The following TOX variants were observed in gnomAD, a reference collection of about 807,000 sequenced individuals.
The protein encoded by TOX is thymocyte selection associated high mobility group box, also known as thymocyte selection-associated high mobility group box protein TOX.
TOX carries 11 observed loss-of-function variants against 53.7 expected under a neutral mutation model. That is an observed-to-expected ratio of 0.20 (90% CI 0.13 to 0.34). TOX has a LOEUF of 0.34. Among genes scored for constraint, TOX ranks in the 10% least tolerant of loss-of-function variants. TOX has a pLI of 1.00. For missense variants in TOX, 570 were observed against 664.6 expected, an observed-to-expected ratio of 0.86 and a Z score of 1.56; for synonymous variants, 225 against 245.3, an observed-to-expected ratio of 0.92 and a Z score of 0.77.
intron 1 of TOX, among the ~76,000 whole-genome samples, chr8:58,970,499 C>A (rs1812981911): frequency 6.6e-6 from 1 of 152,164 alleles, no homozygotes; most frequent in Admixed American, 6.5e-5. Context: ...GAATAACATG[C>A]AGAAACTTGA....
rs923213491 is a variant in TOX at position 58,863,784 on chromosome 8, G to A, written c.412-11979C>T. 2.6e-5 allele frequency among the ~76,000 whole-genome samples: 4 copies of A among 152,150 alleles called. No individual in the cohort carries two copies. In the East Asian group the frequency reaches 7.7e-4, roughly 29 times the overall value. ...GTGCCTCGCACTGTGAGAGGTCCTA[G>A]GGGAAACAAAGACAGATGAGACTAT... On this transcript the variant is annotated intron_variant, in intron 3 of 8. Transcript: ENST00000361421.
chr8:58,996,865 C>T (rs1434557354), intron 1 of TOX, among the ~76,000 whole-genome samples: 1 of 152,172 alleles, frequency 6.6e-6, no homozygotes, highest in African/African-American at 2.4e-5. Context: ...CTGGAATTAG[C>T]TAGGGGTGTA....
At chr8:59,084,619 A>C (rs766104808) in intron 1 of TOX, among the ~76,000 whole-genome samples, 5 of 152,204 alleles carry the variant, frequency 3.3e-5, no homozygotes, top group Non-Finnish European at 7.4e-5. Context: ...ATAAAGTTTA[A>C]GACTTCAATA....
intron 1 of TOX, among the ~76,000 whole-genome samples, chr8:58,960,401 T>C (rs1812780165): frequency 6.6e-6 from 1 of 152,064 alleles, no homozygotes; most frequent in Admixed American, 6.6e-5. Context: ...TAACGAAAAA[T>C]ACACGAAGGC....
chr8:58,994,893 C>T (rs1813530477), intron 1 of TOX, among the ~76,000 whole-genome samples: 1 of 152,176 alleles, frequency 6.6e-6, no homozygotes, highest in Admixed American at 6.5e-5. Context: ...CTGTTCACTT[C>T]AGTCAACTTC....
At chr8:59,016,619 TAAAG>T (rs1452924513) in intron 1 of TOX, among the ~76,000 whole-genome samples, 2 of 152,186 alleles carry the variant, frequency 1.3e-5, no homozygotes, top group Admixed American at 1.3e-4. Context: ...CCTCAACCAA[TAAAG>T]ATTCTATTTC....
In TOX at chr8:58,808,232, T is replaced by C. The variant is rs768622267; in HGVS notation, c.1430A>G (p.Asn477Ser). 1.9e-6 allele frequency: 3 copies of C among 1,613,768 alleles called. No homozygotes were observed. The highest frequency in any genetic ancestry group is 2.5e-6 in the Non-Finnish European group (3 of 1,179,936). The change falls in exon 8 of 9, where the codon AAT becomes AGT. Residue 477 changes from asparagine to serine, a missense_variant. Physicochemically the swap from Asn to Ser is conservative, Grantham distance 46. Transcript: ENST00000361421. ...AACTTGTGCAGCTGTAGATGTAGGATTGATAATAGTCTGATAGTCGGGTTG... is the reference window on the plus strand; with the variant it reads ...AACTTGTGCAGCTGTAGATGTAGGACTGATAATAGTCTGATAGTCGGGTTG... ...TLQPDYQTII[N>S]PTSTAAQVVT... is the part of the protein sequence containing the mutation.
At chr8:59,013,986 C>T (rs1457442976) in intron 1 of TOX, among the ~76,000 whole-genome samples, 2 of 152,114 alleles carry the variant, frequency 1.3e-5, no homozygotes, top group African/African-American at 4.8e-5. Context: ...ATTTCTAAAA[C>T]CCATTATCCC....
chr8:59,118,684 GCA>G lies in TOX; in HGVS notation c.102+200_102+201del, dbSNP rs1165127579. 6.6e-6 allele frequency among the ~76,000 whole-genome samples: 1 copy of G among 152,092 alleles called. No homozygotes were observed. Among genetic ancestry groups the G allele is most frequent in the Non-Finnish European group, 1.5e-5 (1 of 68,012 alleles). On this transcript the variant is annotated intron_variant, in intron 1 of 8. Coordinates refer to ENST00000361421, the MANE Select transcript of TOX (RefSeq NM_014729.3). The surrounding 1 kb of genome is among the most constrained non-coding windows in gnomAD (Gnocchi z 4.1). ...ATCCGAGCAAATCGTGTCACTTTCC[GCA>G]CAATCGCGGTGTTTGGCAAGCCCCC...
At chr8:59,113,888 A>G (rs941313041) in intron 1 of TOX, among the ~76,000 whole-genome samples, 2 of 152,174 alleles carry the variant, frequency 1.3e-5, no homozygotes, top group African/African-American at 4.8e-5. Context: ...TGTCCTAGCA[A>G]AAGTTTAGAA....
intron 3 of TOX, among the ~76,000 whole-genome samples, chr8:58,903,647 C>G (rs1160925151): frequency 6.6e-6 from 1 of 152,140 alleles, no homozygotes; most frequent in Non-Finnish European, 1.5e-5. Flanking sequence ...AATATTTACA[C>G]TACTAAAAGT....
rs971115293 is a variant in TOX, at chr8:58,972,712, A to G, written c.103-12704T>C. Reference sequence around the variant, plus strand: ...AATGCTCCATTTAATACTCACATCAAAGAAATTATGTAATCTCTTCTGTAT... The same window carrying G: ...AATGCTCCATTTAATACTCACATCAGAGAAATTATGTAATCTCTTCTGTAT... On this transcript the variant is annotated intron_variant, in intron 1 of 8. Coordinates refer to ENST00000361421, the MANE Select transcript of TOX (RefSeq NM_014729.3). Among the ~76,000 whole-genome samples, 8 of 152,166 alleles carry G rather than the reference A, an allele frequency of 5.3e-5. No individual in the cohort carries two copies. The East Asian group carries it at 1.3e-3, about 26-fold the overall frequency.
At chr8:58,943,554 G>T (rs187986691) in intron 2 of TOX, among the ~76,000 whole-genome samples, 1 of 151,096 alleles carries the variant, frequency 6.6e-6, no homozygotes, top group East Asian at 1.9e-4. Context: ...AAGATCACTT[G>T]GTCCTTTCCA....
chr8:58,876,107 A>G (rs2129170452), intron 3 of TOX, among the ~76,000 whole-genome samples: 1 of 152,186 alleles, frequency 6.6e-6, no homozygotes, highest in Middle Eastern at 3.4e-3. Flanking sequence ...AGAGATGGAT[A>G]TTTCAGAAAC....
chr8:58,838,586 A>G (rs1260611036), intron 4 of TOX, among the ~76,000 whole-genome samples: 1 of 151,964 alleles, frequency 6.6e-6, no homozygotes, highest in Non-Finnish European at 1.5e-5. Flanking sequence ...CAACCCCTTA[A>G]CATTCCTAAC....
intron 1 of TOX, among the ~76,000 whole-genome samples, chr8:59,008,117 T>C (rs1053235332): frequency 6.6e-6 from 1 of 152,244 alleles, no homozygotes; most frequent in Non-Finnish European, 1.5e-5. Context: ...GTTTCTTTCA[T>C]CAAATGAAAA....
chr8:58,988,862 T>C (rs565000317), intron 1 of TOX, among the ~76,000 whole-genome samples: 1 of 152,330 alleles, frequency 6.6e-6, no homozygotes, highest in East Asian at 1.9e-4. Flanking sequence ...TTGGTCCTCT[T>C]CTGCAACTGT....
chr8:58,958,223 T>A (rs1402793906), intron 2 of TOX, among the ~76,000 whole-genome samples: 3 of 152,142 alleles, frequency 2.0e-5, no homozygotes, highest in Non-Finnish European at 4.4e-5. Flanking sequence ...AGAAAAACAA[T>A]GTTAGTTGTT....
intron 1 of TOX, among the ~76,000 whole-genome samples, chr8:59,068,667 T>G (rs1180901813): frequency 6.6e-6 from 1 of 152,216 alleles, no homozygotes; most frequent in Non-Finnish European, 1.5e-5. Context: ...ATACCCATTT[T>G]AATGATTAGG....
Sources: allele counts gnomAD v4.1 joint callset (sites outside exome capture counted in the v4.1 genomes callset), GRCh38; gene constraint gnomAD v4.1.1; non-coding constraint Gnocchi (gnomAD v3.1); transcripts MANE v1.5; gene names NCBI Gene and HGNC (gene_info 2026-07-23, HGNC 2026-07-21).